The following CADM2 variants were observed in gnomAD, a reference collection of about 807,000 sequenced individuals.
The protein encoded by CADM2 is immunoglobulin superfamily member 4D.
A neutral mutation model predicts 49.8 loss-of-function variants in CADM2; 12 were observed. The observed-to-expected ratio is 0.24, with a 90% CI of 0.15 to 0.39. The LOEUF is 0.39. Ranked by LOEUF, CADM2 falls within the 10% of genes least tolerant of loss-of-function variation. The pLI, the probability that CADM2 is intolerant of heterozygous loss-of-function variation, is 1.00. For synonymous variants in CADM2, 214 were observed against 175.4 expected (o/e 1.22, Z -1.74); for missense variants, 378 against 492.3 (o/e 0.77, Z 2.20).
At chr3:85,287,744 A>G (rs1439154233) in intron 1 of CADM2, among the ~76,000 whole-genome samples, 1 of 152,150 alleles carries the variant, frequency 6.6e-6, no homozygotes, top group Non-Finnish European at 1.5e-5. Flanking sequence ...TAATTTTTTT[A>G]ACCTTTTGAA....
chr3:85,054,309 C>G lies in CADM2; in HGVS notation c.61+94641C>G, dbSNP rs1360647774. ...AGAGACAGAAGACTTTCTCTGAGTA[C>G]AGGGAGCAGCTGGAGAAAATGGAAA... is the stretch of plus-strand genomic sequence containing the variant. On this transcript the variant is annotated intron_variant, in intron 1 of 9. Coordinates refer to ENST00000383699, the MANE Select transcript of CADM2 (RefSeq NM_001167675.2). Among the ~76,000 whole-genome samples, 3 of 151,514 alleles carry G rather than the reference C, an allele frequency of 2.0e-5. No homozygotes were observed. The East Asian group carries it at 5.8e-4, about 29-fold the overall frequency.
chr3:85,992,915 C>T (rs748812303), intron 8 of CADM2: 54 of 152,186 alleles, frequency 3.5e-4, no homozygotes, highest in Admixed American at 2.4e-3. Context: ...AATTTCTGTG[C>T]GATTTCTGTT....
chr3:85,944,160 C>G (rs1003340512), intron 7 of CADM2, among the ~76,000 whole-genome samples: 2 of 151,836 alleles, frequency 1.3e-5, no homozygotes, highest in Non-Finnish European at 2.9e-5. Context: ...CAACAAAGAT[C>G]AAAAGAGACA....
At chr3:85,164,149 T>G (rs1453986535) in intron 1 of CADM2, among the ~76,000 whole-genome samples, 1 of 152,110 alleles carries the variant, frequency 6.6e-6, no homozygotes, top group African/African-American at 2.4e-5. Context: ...TGCCTTTGGA[T>G]TTTTCTTGCT....
intron 1 of CADM2, among the ~76,000 whole-genome samples, chr3:85,581,914 T>C (rs2062811269): frequency 2.5e-5 from 1 of 39,474 alleles, no homozygotes; most frequent in Admixed American, 5.4e-4. Flanking sequence ...GAAGTGTTTT[T>C]TGTTTTGTTT....
intron 1 of CADM2, among the ~76,000 whole-genome samples, chr3:85,585,363 C>T (rs1293259993): frequency 6.6e-6 from 1 of 151,192 alleles, no homozygotes; most frequent in African/African-American, 2.4e-5. Flanking sequence ...TTTAGTGAAA[C>T]GGTGGAAGTT....
At chr3:85,621,747 T>G (rs1203560141) in intron 1 of CADM2, among the ~76,000 whole-genome samples, 4 of 152,140 alleles carry the variant, frequency 2.6e-5, no homozygotes, top group African/African-American at 9.6e-5. Context: ...GTTTTCAGAT[T>G]TTGTTTTAAT....
intron 8 of CADM2, among the ~76,000 whole-genome samples, chr3:86,000,227 T>A (rs1386753730): frequency 2.0e-5 from 3 of 152,004 alleles, no homozygotes; most frequent in Non-Finnish European, 4.4e-5. Context: ...CTCTATAAAT[T>A]AAGAGGGGAT....
intron 1 of CADM2, among the ~76,000 whole-genome samples, chr3:85,159,628 A>G (rs1299407889): frequency 6.6e-6 from 1 of 152,186 alleles, no homozygotes; most frequent in African/African-American, 2.4e-5. Context: ...TTCTAGGGCA[A>G]TAGGTGAACA....
At chr3:85,922,910 C>T (rs1424392704) in intron 6 of CADM2, among the ~76,000 whole-genome samples, 2 of 151,850 alleles carry the variant, frequency 1.3e-5, no homozygotes, top group East Asian at 3.9e-4. Context: ...CAACCTCCGC[C>T]TCCCGGGTTC....
At chr3:85,599,906 A>T (rs1378103279) in intron 1 of CADM2, among the ~76,000 whole-genome samples, 1 of 52,138 alleles carries the variant, frequency 1.9e-5, no homozygotes, top group African/African-American at 6.0e-5. Flanking sequence ...CCTAGAAATT[A>T]TGTACATAGT....
chr3:85,079,081 T>A (rs532927100), intron 1 of CADM2, among the ~76,000 whole-genome samples: 5 of 152,000 alleles, frequency 3.3e-5, no homozygotes, highest in Admixed American at 1.3e-4. Context: ...TTAAATTAGA[T>A]TTTTAGGTAT....
At chr3:85,988,227 C>T (rs370516621) in intron 8 of CADM2, among the ~76,000 whole-genome samples, 2 of 152,160 alleles carry the variant, frequency 1.3e-5, no homozygotes, top group South Asian at 2.1e-4. Flanking sequence ...TCTCTTGCTT[C>T]AATAATACAG....
intron 3 of CADM2, among the ~76,000 whole-genome samples, chr3:85,870,766 C>T (rs1472871505): frequency 1.3e-5 from 2 of 152,020 alleles, no homozygotes; most frequent in African/African-American, 2.4e-5. Context: ...GTATATAGCC[C>T]ATAATGGGAT....
chr3:85,234,608 C>T (rs1321543848), intron 1 of CADM2, among the ~76,000 whole-genome samples: 2 of 152,102 alleles, frequency 1.3e-5, no homozygotes, highest in Non-Finnish European at 2.9e-5. Context: ...TATCAAGAAT[C>T]AAATCTTCTC....
chr3:85,003,541 T>A (rs1354055839), intron 1 of CADM2, among the ~76,000 whole-genome samples: 2 of 152,126 alleles, frequency 1.3e-5, no homozygotes, highest in Non-Finnish European at 2.9e-5. Context: ...TTTGTTGCAA[T>A]CTGTTGGCAG....
intron 1 of CADM2, among the ~76,000 whole-genome samples, chr3:85,503,794 T>C (rs996559422): frequency 6.6e-5 from 10 of 152,226 alleles, no homozygotes; most frequent in Admixed American, 5.2e-4. Flanking sequence ...TTTTGAAATA[T>C]TATGTACCTA....
At chr3:85,891,921 G>T (rs1022499574) in intron 5 of CADM2, among the ~76,000 whole-genome samples, 3 of 152,204 alleles carry the variant, frequency 2.0e-5, no homozygotes, top group African/African-American at 7.2e-5. Context: ...CTCACTCACA[G>T]AAACCCTGAG....
intron 1 of CADM2, among the ~76,000 whole-genome samples, chr3:85,470,090 T>G (rs1327328937): frequency 3.3e-5 from 5 of 152,178 alleles, no homozygotes; most frequent in Non-Finnish European, 4.4e-5. Flanking sequence ...TTATATTTGA[T>G]TTACCTTCAG....
Sources: gnomAD v4.1 joint callset for allele counts (sites outside exome capture counted in the v4.1 genomes callset) on GRCh38, gnomAD v4.1.1 for gene constraint, MANE v1.5 for transcripts, NCBI Gene and HGNC (gene_info 2026-07-23, HGNC 2026-07-21) for gene names.